The following ADCK1 variants were observed in gnomAD, a reference collection of about 807,000 sequenced individuals.
ADCK1 encodes aarF domain-containing protein kinase 1.
ADCK1 carries 41 observed loss-of-function variants against 52.3 expected under a neutral mutation model. The observed-to-expected ratio is 0.78, with a 90% CI of 0.61 to 1.02. The LOEUF (loss-of-function observed/expected upper bound fraction) is 1.02, where lower values mean the gene tolerates loss of function less well. ADCK1 is among the 50% of genes least tolerant of loss of function. ADCK1 has a pLI of 0.00. For missense variants in ADCK1, 658 were observed against 679.5 expected (o/e 0.97, Z 0.35); for synonymous variants, 250 against 274.6 (o/e 0.91, Z 0.89).
At position 77,848,421 on chromosome 14, in the gene ADCK1, G is replaced by C. The variant is rs118092072; in HGVS notation, c.220-10655G>C. On this transcript the variant is annotated intron_variant, in intron 3 of 10. Transcript: ENST00000238561. The stretch of plus-strand genomic sequence containing the variant: ...GTACCTATCTCAAGGGCTTTTACCT[G>C]GGTCAGGTGAGATAATGTGTGTGAA... Among the ~76,000 whole-genome samples, 74 of 152,286 alleles carry C rather than the reference G, an allele frequency of 4.9e-4. 5 individuals are homozygous for C. The East Asian group carries it at 0.011, about 22-fold the overall frequency.
At chr14:77,904,685 C>T (rs1037953416) in intron 6 of ADCK1, among the ~76,000 whole-genome samples, 3 of 152,122 alleles carry the variant, frequency 2.0e-5, no homozygotes, top group Admixed American at 6.5e-5. Flanking sequence ...GTGTGGGAGG[C>T]AGGAGGAGCC....
At chr14:77,924,901 A>G (rs1332598942) in intron 8 of ADCK1, among the ~76,000 whole-genome samples, 1 of 152,232 alleles carries the variant, frequency 6.6e-6, no homozygotes, top group East Asian at 1.9e-4. Flanking sequence ...GCCAGCAAGG[A>G]TCCTCAGAAG....
At chr14:77,888,837 A>G (rs1356178144) in intron 5 of ADCK1, among the ~76,000 whole-genome samples, 1 of 152,204 alleles carries the variant, frequency 6.6e-6, no homozygotes, top group Non-Finnish European at 1.5e-5. Context: ...CTGAATCCTC[A>G]GATAGTGCCC....
intron 7 of ADCK1, among the ~76,000 whole-genome samples, chr14:77,921,220 G>A (rs1162173755): frequency 6.0e-5 from 9 of 149,450 alleles, no homozygotes; most frequent in East Asian, 2.0e-4. Context: ...CCAGCTACTC[G>A]GGAGGCTGAG....
chr14:77,842,538 T>G (rs2082096409), intron 3 of ADCK1, among the ~76,000 whole-genome samples: 1 of 149,588 alleles, frequency 6.7e-6, no homozygotes, highest in Non-Finnish European at 1.5e-5. Flanking sequence ...CCTCCTTCCC[T>G]TCCTCCCTTC....
intron 7 of ADCK1, among the ~76,000 whole-genome samples, chr14:77,910,815 G>A (rs116057173): frequency 0.011 from 1,709 of 152,296 alleles, 38 homozygotes; most frequent in African/African-American, 0.039. Context: ...TGGGCAGGGC[G>A]TACCCTCTGA....
chr14:77,887,692 A>G (rs762572791), intron 5 of ADCK1, among the ~76,000 whole-genome samples: 3 of 152,246 alleles, frequency 2.0e-5, no homozygotes, highest in Admixed American at 6.5e-5. Context: ...AGAAACATCT[A>G]TGCAGGTTGC....
At chr14:77,914,511 G>A in intron 7 of ADCK1, 1 of 985,476 alleles carries the variant, frequency 1.0e-6, no homozygotes, top group Non-Finnish European at 1.2e-6. Flanking sequence ...AGCACTGAGT[G>A]CACTTGCTAC....
At chr14:77,910,767 C>T (rs1318352462) in intron 7 of ADCK1, among the ~76,000 whole-genome samples, 2 of 152,184 alleles carry the variant, frequency 1.3e-5, no homozygotes, top group African/African-American at 2.4e-5. Flanking sequence ...TGTGCCTGGC[C>T]GGAGGGGGCA....
intron 4 of ADCK1, among the ~76,000 whole-genome samples, chr14:77,870,707 A>G (rs1326007557): frequency 1.3e-5 from 2 of 152,218 alleles, no homozygotes; most frequent in African/African-American, 2.4e-5. Context: ...TCAGGAGGCC[A>G]TAGCCTGGAG....
At chr14:77,896,983 C>T (rs2083424163) in intron 5 of ADCK1, among the ~76,000 whole-genome samples, 1 of 152,156 alleles carries the variant, frequency 6.6e-6, no homozygotes, top group African/African-American at 2.4e-5. Flanking sequence ...AATAGTCTGG[C>T]TTTAGATTGA....
At chr14:77,926,029 C>A in intron 9 of ADCK1, 68 bp downstream of exon 9, 3 of 1,581,990 alleles carry the variant, frequency 1.9e-6, no homozygotes, top group Non-Finnish European at 2.6e-6. Flanking sequence ...GGCCTGTGGA[C>A]CCCTTCCAAG....
At chr14:77,861,064 G>A (rs1448408405) in intron 4 of ADCK1, among the ~76,000 whole-genome samples, 1 of 152,136 alleles carries the variant, frequency 6.6e-6, no homozygotes, top group Non-Finnish European at 1.5e-5. Flanking sequence ...GTTGGAAGAC[G>A]TCGCCTGATC....
intron 4 of ADCK1, among the ~76,000 whole-genome samples, chr14:77,883,665 A>T (rs946556095): frequency 1.3e-5 from 2 of 152,076 alleles, no homozygotes; most frequent in Non-Finnish European, 2.9e-5. Flanking sequence ...TTGCTTCCTG[A>T]TAGAGAAGGA....
intron 3 of ADCK1, among the ~76,000 whole-genome samples, chr14:77,849,044 G>A (rs777262204): frequency 3.3e-5 from 5 of 151,950 alleles, no homozygotes; most frequent in African/African-American, 1.2e-4. Context: ...TAGCCAGGAT[G>A]GTCTCCATCT....
chr14:77,825,194 G>A (rs949576617), intron 3 of ADCK1, among the ~76,000 whole-genome samples: 4 of 152,132 alleles, frequency 2.6e-5, no homozygotes, highest in Non-Finnish European at 5.9e-5. Context: ...TTAGATCAGG[G>A]ATTGAGTCTT....
intron 3 of ADCK1, among the ~76,000 whole-genome samples, chr14:77,837,066 T>C (rs1025632844): frequency 6.6e-6 from 1 of 152,042 alleles, no homozygotes; most frequent in Non-Finnish European, 1.5e-5. Context: ...CCGCCGTGCC[T>C]GGCCTACCTC....
At chr14:77,872,116 G>A (rs1245494034) in intron 4 of ADCK1, among the ~76,000 whole-genome samples, 1 of 152,208 alleles carries the variant, frequency 6.6e-6, no homozygotes, top group African/African-American at 2.4e-5. Context: ...CATTTCCTCT[G>A]TCCTGGGCAT....
At chr14:77,817,944 T>C (rs980102412) in intron 1 of ADCK1, among the ~76,000 whole-genome samples, 17 of 151,844 alleles carry the variant, frequency 1.1e-4, no homozygotes, top group Admixed American at 3.3e-4. Flanking sequence ...TTCATCGTGT[T>C]AGCCAGGATG....
Sources: allele counts gnomAD v4.1 joint callset (sites outside exome capture counted in the v4.1 genomes callset), GRCh38; gene constraint gnomAD v4.1.1; transcripts MANE v1.5; gene names NCBI Gene and HGNC (gene_info 2026-07-23, HGNC 2026-07-21).